The following SPATS2L variants were observed in gnomAD, a reference collection of about 807,000 sequenced individuals.
SPATS2L encodes SPATS2-like protein.
SPATS2L carries 30 observed loss-of-function variants against 59.6 expected under a neutral mutation model. The observed-to-expected ratio is 0.50, with a 90% CI of 0.38 to 0.68. The LOEUF (loss-of-function observed/expected upper bound fraction) is 0.68, where lower values mean the gene tolerates loss of function less well. SPATS2L is among the 30% of genes least tolerant of loss of function. The probability of loss-of-function intolerance (pLI) is 0.00; values close to 1 mark genes in which losing one functional copy is unlikely to be tolerated. For missense variants in SPATS2L, 615 were observed against 700.0 expected, an observed-to-expected ratio of 0.88 and a Z score of 1.37; for synonymous variants, 252 against 263.5, an observed-to-expected ratio of 0.96 and a Z score of 0.42.
intron 6 of SPATS2L, among the ~76,000 whole-genome samples, chr2:200,429,083 CCT>C (rs1482847266): frequency 6.6e-6 from 1 of 152,156 alleles, no homozygotes; most frequent in African/African-American, 2.4e-5. Flanking sequence ...TAGTCTGGCC[CCT>C]GTGTCCCACT....
intron 11 of SPATS2L, among the ~76,000 whole-genome samples, chr2:200,471,861 GCAGA>G (rs376077927): frequency 2.0e-5 from 3 of 152,240 alleles, no homozygotes; most frequent in Non-Finnish European, 2.9e-5. Context: ...AACAAAGAGA[GCAGA>G]CAAAGTTGCT....
At chr2:200,368,238 A>C (rs1231096484) in intron 2 of SPATS2L, among the ~76,000 whole-genome samples, 6 of 152,224 alleles carry the variant, frequency 3.9e-5, no homozygotes, top group Non-Finnish European at 7.3e-5. Flanking sequence ...TTCAGTGTCC[A>C]GGAGAGTTCC....
rs1229398352 is a variant in SPATS2L at position 200,479,255 on chromosome 2, G to A, written c.*1224G>A. 4 of 279,280 alleles carry A rather than the reference G, an allele frequency of 1.4e-5. No homozygotes were observed. Among genetic ancestry groups the A allele is most frequent in the Non-Finnish European group, 2.7e-5 (4 of 150,658 alleles). The allele number at this position is 279,280 out of a possible 1,614,324, so 17.3% of individuals were successfully genotyped here. On this transcript the variant is annotated 3_prime_UTR_variant, in exon 13 of 13. Transcript: ENST00000409140. ...CTCCTTTCCTCCTTGGGTTGACATT[G>A]CATTCAGAATTGTGGCAAAGGGCCA... is the stretch of plus-strand genomic sequence containing the variant.
intron 8 of SPATS2L, among the ~76,000 whole-genome samples, chr2:200,450,173 G>A (rs1442026191): frequency 2.0e-5 from 3 of 152,116 alleles, no homozygotes; most frequent in Non-Finnish European, 4.4e-5. Context: ...TCACTTTCTA[G>A]GGGTTTTGTG....
At chr2:200,424,323 T>TA (rs11311467) in intron 6 of SPATS2L, among the ~76,000 whole-genome samples, 24 of 149,786 alleles carry the variant, frequency 1.6e-4, no homozygotes, top group Middle Eastern at 6.8e-3. Flanking sequence ...CTTATCTCTT[T>TA]AAAAAAAAAA....
intron 8 of SPATS2L, among the ~76,000 whole-genome samples, chr2:200,443,333 A>G (rs1369410950): frequency 2.6e-5 from 4 of 152,194 alleles, no homozygotes; most frequent in African/African-American, 9.7e-5. Flanking sequence ...AAATTTTCCT[A>G]TTGATGGTGA....
chr2:200,320,371 A>G (rs2079523509), intron 1 of SPATS2L, among the ~76,000 whole-genome samples: 1 of 152,248 alleles, frequency 6.6e-6, no homozygotes, highest in African/African-American at 2.4e-5. Context: ...GTAAAATAAA[A>G]TCAAACTTCA....
intron 1 of SPATS2L, among the ~76,000 whole-genome samples, chr2:200,325,927 TA>T (rs5837730): frequency 0.51 from 77,493 of 152,036 alleles, 21,055 homozygotes; most frequent in East Asian, 0.77. Flanking sequence ...GGTGAGTACT[TA>T]ACCATTTATT....
chr2:200,477,902 C>A lies in SPATS2L; in HGVS notation c.1548C>A (p.Asp516Glu), dbSNP rs369203308. 69 of 1,611,874 alleles carry A rather than the reference C, an allele frequency of 4.3e-5. No individual in the cohort carries two copies. In the African/African-American group the frequency reaches 7.2e-4, roughly 17 times the overall value. ...EKPRRRQHAA[D>E]TSEARPFRGS... ...CCCGGCGAAGGCAGCACGCTGCAGA[C>A]ACCTCGGAGGCCAGGCCCTTCCGGG... Residue 516 changes from aspartate (D) to glutamate (E), a missense_variant, in exon 13 of 13, where the codon GAC becomes GAA. By Grantham distance (45) the Asp-to-Glu change is conservative. This residue lies in a region of SPATS2L where 284 missense variants were observed against 280.1 expected (regional missense o/e 1.01). Transcript: ENST00000409140.
intron 2 of SPATS2L, among the ~76,000 whole-genome samples, chr2:200,370,631 A>G (rs748307781): frequency 6.6e-6 from 1 of 152,208 alleles, no homozygotes; most frequent in African/African-American, 2.4e-5. Flanking sequence ...AAACTGTTCT[A>G]TTATTCTATA....
At chr2:200,453,711 A>G (rs1013804806) in intron 8 of SPATS2L, among the ~76,000 whole-genome samples, 1 of 152,240 alleles carries the variant, frequency 6.6e-6, no homozygotes. Flanking sequence ...AGGGGATGTT[A>G]GAACCGTTGG....
intron 4 of SPATS2L, 52 bp downstream of exon 4, chr2:200,412,471 A>C (rs2082910928): frequency 1.0e-6 from 1 of 973,836 alleles, no homozygotes; most frequent in Non-Finnish European, 1.5e-6. Context: ...AATATTCCAG[A>C]TATTCCATAT....
chr2:200,405,050 T>C (rs1224837272), intron 3 of SPATS2L, among the ~76,000 whole-genome samples: 1 of 152,202 alleles, frequency 6.6e-6, no homozygotes, highest in Non-Finnish European at 1.5e-5. Context: ...CAGTTTGCCA[T>C]GTAACCTAAC....
chr2:200,475,793 C>G (rs1174409631), intron 12 of SPATS2L, among the ~76,000 whole-genome samples: 3 of 152,136 alleles, frequency 2.0e-5, no homozygotes, highest in African/African-American at 7.2e-5. Context: ...AAATGAAGAA[C>G]CTTATATATT....
chr2:200,424,044 T>A (rs899095076), intron 6 of SPATS2L, among the ~76,000 whole-genome samples: 1 of 152,190 alleles, frequency 6.6e-6, no homozygotes, highest in African/African-American at 2.4e-5. Context: ...AGCAGATCGT[T>A]TAGAAGTTTA....
chr2:200,451,038 G>C (rs560686374), intron 8 of SPATS2L, among the ~76,000 whole-genome samples: 1 of 152,270 alleles, frequency 6.6e-6, no homozygotes, highest in South Asian at 2.1e-4. Context: ...CATCAATAAT[G>C]ATGGGCACGG....
At chr2:200,436,630 A>C (rs576154144) in intron 6 of SPATS2L, among the ~76,000 whole-genome samples, 3 of 152,354 alleles carry the variant, frequency 2.0e-5, no homozygotes, top group African/African-American at 7.2e-5. Flanking sequence ...GCTCATTTGC[A>C]TGCTTGGCTT....
intron 10 of SPATS2L, among the ~76,000 whole-genome samples, chr2:200,467,780 G>A (rs977944655): frequency 2.6e-5 from 4 of 152,188 alleles, no homozygotes; most frequent in African/African-American, 7.2e-5. Flanking sequence ...AAGCATGAAC[G>A]TAGTGTAATG....
upstream of SPATS2L, chr2:200,306,097 G>A: frequency 1.0e-6 from 1 of 985,942 alleles, no homozygotes; most frequent in Non-Finnish European, 1.2e-6. Context: ...GGAACACCCC[G>A]GGTTGGTCGG....
Sources: gnomAD v4.1 joint callset for allele counts (sites outside exome capture counted in the v4.1 genomes callset) on GRCh38, gnomAD v4.1.1 for gene constraint, gnomAD v4.1.1 regional missense constraint, MANE v1.5 for transcripts, NCBI Gene and HGNC (gene_info 2026-07-23, HGNC 2026-07-21) for gene names.